TRIM24: variants seen among roughly 807,000 people sequenced by gnomAD.
TRIM24 encodes transcription intermediary factor 1-alpha.
TRIM24 carries 29 observed loss-of-function variants against 123.9 expected under a neutral mutation model. The observed-to-expected ratio is 0.23, with a 90% CI of 0.17 to 0.32. TRIM24 has a LOEUF of 0.32. Ranked by LOEUF, TRIM24 falls within the 10% of genes least tolerant of loss-of-function variation. The probability of loss-of-function intolerance (pLI) is 1.00; values close to 1 mark genes in which losing one functional copy is unlikely to be tolerated. For missense variants in TRIM24, 932 were observed against 1,295.3 expected, an observed-to-expected ratio of 0.72 and a Z score of 4.31; for synonymous variants, 456 against 461.1, an observed-to-expected ratio of 0.99 and a Z score of 0.14.
At chr7:138,524,951 T>A (rs903437354) in intron 4 of TRIM24, among the ~76,000 whole-genome samples, 1 of 152,136 alleles carries the variant, frequency 6.6e-6, no homozygotes, top group Non-Finnish European at 1.5e-5. Context: ...TATAATTGAC[T>A]ATTTTTTGCC....
Position 138,585,051 on chromosome 7 carries a change from C to A in TRIM24, c.*100C>A. ...TCACTACAAAAAGAAGAGTTTGTGA[C>A]TATTCTCATCTCTGTTTTGGACGTT... On this transcript the variant is annotated 3_prime_UTR_variant, in exon 19 of 19. Transcript: ENST00000343526. 9.8e-7 allele frequency: 1 copy of A among 1,017,506 alleles called. No individual in the cohort carries two copies. The highest frequency in any genetic ancestry group is 1.4e-6 in the Non-Finnish European group (1 of 708,120). The allele number at this position is 1,017,506 out of a possible 1,614,324, so 63.0% of individuals were successfully genotyped here. A position where few individuals can be genotyped will look rare whatever the true frequency, so the allele number is the denominator to read the frequency against.
intron 18 of TRIM24, 37 bp downstream of exon 18, chr7:138,584,036 G>T: frequency 6.4e-7 from 1 of 1,566,218 alleles, no homozygotes; most frequent in Non-Finnish European, 8.6e-7. Flanking sequence ...GGAAGGAACA[G>T]CAGTGTGAAA....
At chr7:138,558,033 A>G (rs1797351188) in intron 9 of TRIM24, among the ~76,000 whole-genome samples, 1 of 152,104 alleles carries the variant, frequency 6.6e-6, no homozygotes. Flanking sequence ...AGGGTATCCT[A>G]AGGCTTCTCC....
rs80252122 is a variant in TRIM24 at position 138,528,792 on chromosome 7, C to G, written c.882-324C>G. Among the ~76,000 whole-genome samples the G allele has an allele frequency of 4.4e-4, 51 of 115,332 alleles. 1 individual carries two copies. In the Middle Eastern group the frequency reaches 0.035, roughly 79 times the overall value. 75.7% of individuals were successfully genotyped at this position (115,332 alleles called of 152,430 possible). On this transcript the variant is annotated intron_variant, in intron 5 of 18. Transcript: ENST00000343526. ...TTTTTGGTCCACCCCCACCCCCCCC[C>G]CCATCCTTTTAGGTAGAGCATTGAT...
At chr7:138,467,667 T>G (rs553320160) in intron 1 of TRIM24, among the ~76,000 whole-genome samples, 3 of 152,214 alleles carry the variant, frequency 2.0e-5, no homozygotes, top group Non-Finnish European at 4.4e-5. Flanking sequence ...ATATTGGTTC[T>G]TCCAATCTGT....
chr7:138,540,761 A>C (rs939386647), intron 7 of TRIM24, among the ~76,000 whole-genome samples: 1 of 152,216 alleles, frequency 6.6e-6, no homozygotes, highest in Non-Finnish European at 1.5e-5. Context: ...CCTTTCTAGA[A>C]GGTTTTTAAT....
At chr7:138,470,424 G>A (rs1462450307) in intron 1 of TRIM24, among the ~76,000 whole-genome samples, 1 of 152,090 alleles carries the variant, frequency 6.6e-6, no homozygotes, top group East Asian at 1.9e-4. Context: ...CCCAGTCTTT[G>A]TAACATAATT....
chr7:138,460,621 G>A lies in TRIM24; in HGVS notation c.73G>A (p.Ala25Thr). ...ASAAASGGPSAAPSGENEAES... is the reference protein window; with the variant it reads ...ASAAASGGPSTAPSGENEAES... ...GGCTGCGGCCTCCGGGGGGCCCTCG[G>A]CGGCGCCGAGCGGGGAGAACGAGGC... The change falls in exon 1 of 19, where the codon GCG becomes ACG. Residue 25 changes from alanine to threonine, a missense_variant. Ala to Thr is a moderately conservative substitution (Grantham distance 58, BLOSUM62 0). This residue lies in a region of TRIM24 where 164 missense variants were observed against 181.9 expected (regional missense o/e 0.90). Transcript: ENST00000343526. 3 of 1,403,330 alleles carry A rather than the reference G, an allele frequency of 2.1e-6. No homozygotes were observed. The highest frequency in any genetic ancestry group is 2.8e-6 in the Non-Finnish European group (3 of 1,083,074). 86.9% of individuals were successfully genotyped at this position (1,403,330 alleles called of 1,614,324 possible). A position where few individuals can be genotyped will look rare whatever the true frequency, so the allele number is the denominator to read the frequency against.
chr7:138,480,812 G>A (rs139295909), intron 1 of TRIM24, among the ~76,000 whole-genome samples: 1,596 of 152,058 alleles, frequency 0.01, 13 homozygotes, highest in Non-Finnish European at 0.018. Context: ...TGGCAACCTC[G>A]TGGGTGTTTC....
intron 2 of TRIM24, among the ~76,000 whole-genome samples, chr7:138,508,700 C>CGCGCGCGCGCGGGTGTGCGTGTGT (rs1182276337): frequency 2.8e-5 from 1 of 35,510 alleles, no homozygotes; most frequent in Non-Finnish European, 8.0e-5. Flanking sequence ...TGTGCGCGCG[C>CGCGCGCGCGCGGGTGTGCGTGTGT]GTGTGTGCGT....
At chr7:138,516,963 G>A (rs937110250) in intron 3 of TRIM24, among the ~76,000 whole-genome samples, 1 of 151,852 alleles carries the variant, frequency 6.6e-6, no homozygotes, top group African/African-American at 2.4e-5. Context: ...TTAGCTGGGC[G>A]TGATAGTTAC....
intron 5 of TRIM24, among the ~76,000 whole-genome samples, chr7:138,528,044 A>T (rs1796648666): frequency 6.6e-6 from 1 of 151,434 alleles, no homozygotes; most frequent in Non-Finnish European, 1.5e-5. Flanking sequence ...GCAGTTAATC[A>T]TACTTTGACA....
chr7:138,466,481 T>TTTTTTTTTTTG, intron 1 of TRIM24, among the ~76,000 whole-genome samples: 3 of 144,322 alleles, frequency 2.1e-5, no homozygotes, highest in South Asian at 2.2e-4. Context: ...TTTTTTTTTT[T>TTTTTTTTTTTG]GGAGACAGCA....
intron 17 of TRIM24, among the ~76,000 whole-genome samples, chr7:138,583,322 CA>C (rs1797942430): frequency 2.6e-5 from 4 of 152,140 alleles, no homozygotes; most frequent in Non-Finnish European, 5.9e-5. Flanking sequence ...CAAGTTTTTT[CA>C]TTAAAAATAA....
chr7:138,489,158 C>T (rs948046844), intron 1 of TRIM24, among the ~76,000 whole-genome samples: 1 of 152,096 alleles, frequency 6.6e-6, no homozygotes, highest in African/African-American at 2.4e-5. Context: ...TTATCAGAGA[C>T]TAGGATTGCA....
rs1226965719 is a variant in TRIM24 at position 138,589,349 on chromosome 7, A to G, written c.*4398A>G. On this transcript the variant is annotated 3_prime_UTR_variant, in exon 19 of 19. Coordinates refer to ENST00000343526, the MANE Select transcript of TRIM24 (RefSeq NM_015905.3). ...GGCAGATTGGTGCTTTGGTTTTAATAAAAACTAACTTTGATGGATTTTTAC... is the reference window on the plus strand; with the variant it reads ...GGCAGATTGGTGCTTTGGTTTTAATGAAAACTAACTTTGATGGATTTTTAC... 1 of 152,176 alleles carries G rather than the reference A, an allele frequency of 6.6e-6. No homozygotes were observed. The highest frequency in any genetic ancestry group is 1.9e-4 in the East Asian group (1 of 5,194). 9.4% of individuals were successfully genotyped at this position (152,176 alleles called of 1,614,324 possible).
intron 2 of TRIM24, among the ~76,000 whole-genome samples, chr7:138,507,727 A>G (rs1343101719): frequency 6.6e-6 from 1 of 152,194 alleles, no homozygotes; most frequent in Non-Finnish European, 1.5e-5. Flanking sequence ...CCTGGGCAAC[A>G]TGGTGAAACC....
At position 138,583,837 on chromosome 7, in the gene TRIM24, AT is replaced by A. The variant is rs751746883; in HGVS notation, c.2794-6del. The A allele has an allele frequency of 3.7e-5, 57 of 1,526,872 alleles. No individual in the cohort carries two copies. The highest frequency in any genetic ancestry group is 2.5e-4 in the East Asian group (11 of 43,754). 94.6% of individuals were successfully genotyped at this position (1,526,872 alleles called of 1,614,324 possible). ...TTAGCTATTTGTATTATAACATCTCATTTTTTTAATAGGTGCCTGATTATTA... is the reference window on the plus strand; with the variant it reads ...TTAGCTATTTGTATTATAACATCTCATTTTTTAATAGGTGCCTGATTATTA... On this transcript the variant is annotated splice_polypyrimidine_tract_variant and intron_variant, in intron 17 of 18. Transcript: ENST00000343526.
intron 1 of TRIM24, among the ~76,000 whole-genome samples, chr7:138,493,574 T>C (rs1408066416): frequency 6.6e-6 from 1 of 152,202 alleles, no homozygotes. Flanking sequence ...GTAATCCTTT[T>C]TAAGTGTTCT....
Sources: allele counts gnomAD v4.1 joint callset (sites outside exome capture counted in the v4.1 genomes callset), GRCh38; gene constraint gnomAD v4.1.1; regional missense constraint gnomAD v4.1.1; transcripts MANE v1.5; gene names NCBI Gene and HGNC (gene_info 2026-07-23, HGNC 2026-07-21).